ATXN8OS: variants seen among roughly 807,000 people sequenced by gnomAD.
ATXN8OS encodes ATXN8 opposite strand (non-protein coding).
intron 3 of ATXN8OS, among the ~76,000 whole-genome samples, chr13:70,146,769 T>C (rs1039111479): frequency 1.4e-4 from 8 of 57,180 alleles, no homozygotes; most frequent in African/African-American, 4.9e-4. Context: ...TGTTGTGGGG[T>C]CGGGGGAGGG....
chr13:70,142,427 T>C (rs1053706638), intron 3 of ATXN8OS, among the ~76,000 whole-genome samples: 15 of 152,188 alleles, frequency 9.9e-5, no homozygotes, highest in African/African-American at 3.1e-4. Context: ...CTGAATACAG[T>C]TGATTCAAAA....
upstream of ATXN8OS, chr13:70,107,466 T>C (rs3751427): frequency 0.079 from 127,779 of 1,613,850 alleles, 8,263 homozygotes; most frequent in East Asian, 0.35. Flanking sequence ...GGGAGGACGA[T>C]GAAGAGGAAG....
chr13:70,144,998 T>C (rs560601673), intron 3 of ATXN8OS, among the ~76,000 whole-genome samples: 2 of 152,302 alleles, frequency 1.3e-5, no homozygotes, highest in African/African-American at 2.4e-5. Context: ...AACATGTAAG[T>C]CTTTAATCCA....
chr13:70,143,943 T>C (rs962687413), intron 3 of ATXN8OS, among the ~76,000 whole-genome samples: 4 of 152,084 alleles, frequency 2.6e-5, no homozygotes, highest in African/African-American at 4.8e-5. Context: ...CGAATTTTGT[T>C]TTTATGTATA....
At chr13:70,144,182 TCATC>T (rs1888751809) in intron 3 of ATXN8OS, among the ~76,000 whole-genome samples, 2 of 152,142 alleles carry the variant, frequency 1.3e-5, no homozygotes, top group African/African-American at 4.8e-5. Flanking sequence ...TTCACATTCT[TCATC>T]CCATTATCAA....
At chr13:70,170,067 C>G (rs1367090512) in exon 5 of ATXN8OS, among the ~76,000 whole-genome samples, 1 of 152,144 alleles carries the variant, frequency 6.6e-6, no homozygotes, top group Non-Finnish European at 1.5e-5. Flanking sequence ...ATCGACTACA[C>G]TCACAAAGTA....
chr13:70,113,927 C>A (rs1465696755), intron 1 of ATXN8OS, among the ~76,000 whole-genome samples: 2 of 152,122 alleles, frequency 1.3e-5, no homozygotes, highest in African/African-American at 2.4e-5. Context: ...TTTTCAAATG[C>A]TCTTTTTCCC....
chr13:70,131,181 A>G, intron 3 of ATXN8OS: 1 of 398,496 alleles, frequency 2.5e-6, no homozygotes, highest in Non-Finnish European at 4.4e-6. Flanking sequence ...GTCAATATAG[A>G]GAGTAAGAAG....
At chr13:70,140,471 C>A (rs533824606) in intron 3 of ATXN8OS, among the ~76,000 whole-genome samples, 1 of 141,088 alleles carries the variant, frequency 7.1e-6, no homozygotes, top group African/African-American at 2.6e-5. Context: ...GTGTTTTAAA[C>A]AATGTGTAGA....
intron 4 of ATXN8OS, among the ~76,000 whole-genome samples, chr13:70,156,258 T>C (rs1409150810): frequency 6.6e-6 from 1 of 151,946 alleles, no homozygotes; most frequent in East Asian, 1.9e-4. Context: ...TGTGTGTGTG[T>C]GTGTGTGTGT....
intron 1 of ATXN8OS, among the ~76,000 whole-genome samples, chr13:70,112,800 CTT>C (rs1243019325): frequency 2.6e-5 from 4 of 150,996 alleles, no homozygotes; most frequent in African/African-American, 4.9e-5. Flanking sequence ...ATTTGTGTGT[CTT>C]TTTATTTCCC....
At chr13:70,127,555 G>T (rs1888457086) in intron 2 of ATXN8OS, among the ~76,000 whole-genome samples, 1 of 151,910 alleles carries the variant, frequency 6.6e-6, no homozygotes, top group Non-Finnish European at 1.5e-5. Flanking sequence ...GAATTTCAAA[G>T]ACATTGAGAA....
chr13:70,140,546 AC>A (rs1224966454), intron 3 of ATXN8OS, among the ~76,000 whole-genome samples: 2 of 151,368 alleles, frequency 1.3e-5, no homozygotes, highest in East Asian at 1.9e-4. Flanking sequence ...AAAAAAAAAA[AC>A]GGAGAAGAAA....
intron 3 of ATXN8OS, among the ~76,000 whole-genome samples, chr13:70,134,991 G>T (rs975710611): frequency 1.3e-5 from 2 of 152,258 alleles, no homozygotes; most frequent in Non-Finnish European, 1.5e-5. Flanking sequence ...AGTGTTTCAG[G>T]CCCAGTGCCC....
intron 4 of ATXN8OS, among the ~76,000 whole-genome samples, chr13:70,155,273 C>T (rs529586391): frequency 3.5e-4 from 54 of 152,316 alleles, no homozygotes; most frequent in Non-Finnish European, 7.1e-4. Flanking sequence ...GCTATCTTCT[C>T]AGCCCTCAAG....
chr13:70,166,993 A>G (rs1470189700), intron 4 of ATXN8OS, among the ~76,000 whole-genome samples: 65 of 151,720 alleles, frequency 4.3e-4, no homozygotes, highest in Admixed American at 7.9e-4. Context: ...TTAGAATGGC[A>G]ATCATTAAAA....
chr13:70,130,761 T>C, intron 3 of ATXN8OS: 1 of 398,494 alleles, frequency 2.5e-6, no homozygotes, highest in Non-Finnish European at 4.4e-6. Flanking sequence ...GTGTTCTGTG[T>C]TTCTAATAAT....
intron 2 of ATXN8OS, among the ~76,000 whole-genome samples, chr13:70,126,741 TATAA>T (rs919578051): frequency 6.6e-6 from 1 of 151,844 alleles, no homozygotes; most frequent in African/African-American, 2.4e-5. Flanking sequence ...AATAGACATC[TATAA>T]ATAGACATAA....
chr13:70,163,044 C>T (rs369467315), intron 4 of ATXN8OS, among the ~76,000 whole-genome samples: 1 of 151,490 alleles, frequency 6.6e-6, no homozygotes, highest in Non-Finnish European at 1.5e-5. Context: ...TTTTTTTTCC[C>T]ATTTTAAAAT....
Sources: gnomAD v4.1 joint callset for allele counts (sites outside exome capture counted in the v4.1 genomes callset) on GRCh38, gnomAD v4.1.1 for gene constraint, MANE v1.5 for transcripts, NCBI Gene and HGNC (gene_info 2026-07-23, HGNC 2026-07-21) for gene names.